Variants in CSMD3 observed in about 807,000 individuals in gnomAD.
CSMD3 encodes CUB and sushi domain-containing protein 3.
A neutral mutation model predicts 435.2 loss-of-function variants in CSMD3; 177 were observed. The ratio of observed to expected loss-of-function variants is 0.41; its 90% CI spans 0.36 to 0.46. CSMD3 has a LOEUF of 0.46. CSMD3 is among the 20% of genes least tolerant of loss of function. CSMD3 has a pLI of 0.34. For synonymous variants in CSMD3, 1,656 were observed against 1,520.5 expected (o/e 1.09, Z -2.07); for missense variants, 4,265 against 4,504.6 (o/e 0.95, Z 1.52).
intron 32 of CSMD3, among the ~76,000 whole-genome samples, chr8:112,461,117 T>C (rs531295001): frequency 6.6e-6 from 1 of 152,260 alleles, no homozygotes; most frequent in Non-Finnish European, 1.5e-5. Flanking sequence ...ACCAAACATG[T>C]GTGTTTTAAT....
At chr8:112,832,951 A>G (rs1301129426) in intron 11 of CSMD3, among the ~76,000 whole-genome samples, 2 of 152,182 alleles carry the variant, frequency 1.3e-5, no homozygotes, top group East Asian at 3.9e-4. Context: ...CAAACCCTAA[A>G]CATATATCAC....
chr8:112,709,159 C>A (rs1222331386), intron 13 of CSMD3, among the ~76,000 whole-genome samples: 1 of 152,036 alleles, frequency 6.6e-6, no homozygotes, highest in African/African-American at 2.4e-5. Context: ...AAATAAATAA[C>A]TGCAAAATAC....
chr8:113,376,485 A>G (rs975060410), intron 1 of CSMD3, among the ~76,000 whole-genome samples: 2 of 152,146 alleles, frequency 1.3e-5, no homozygotes, highest in African/African-American at 2.4e-5. Flanking sequence ...GAGGGGTTGG[A>G]ATGTACAAGA....
intron 22 of CSMD3, among the ~76,000 whole-genome samples, chr8:112,625,548 A>T (rs144363822): frequency 2.9e-3 from 445 of 152,246 alleles, no homozygotes; most frequent in Non-Finnish European, 4.6e-3. Flanking sequence ...ATTCAAAAAG[A>T]TATAGTAAAA....
intron 2 of CSMD3, among the ~76,000 whole-genome samples, chr8:113,281,056 A>G (rs1333890117): frequency 6.6e-6 from 1 of 151,772 alleles, no homozygotes. Context: ...TTATTTATTG[A>G]GGCTCGTTTT....
intron 1 of CSMD3, among the ~76,000 whole-genome samples, chr8:113,394,543 T>C (rs892927773): frequency 6.6e-6 from 1 of 152,120 alleles, no homozygotes; most frequent in Non-Finnish European, 1.5e-5. Flanking sequence ...AAAATTCTAG[T>C]GCTATATTTC....
At chr8:112,343,001 T>TATTTATATACATATATTTA (rs1554647587) in intron 41 of CSMD3, among the ~76,000 whole-genome samples, 12 of 109,674 alleles carry the variant, frequency 1.1e-4, no homozygotes, top group Non-Finnish European at 1.3e-4. Context: ...ATATATATAT[T>TATTTATATACATATATTTA]TATATATATA....
intron 10 of CSMD3, among the ~76,000 whole-genome samples, chr8:112,899,529 T>G (rs1401772638): frequency 6.9e-6 from 1 of 143,976 alleles, no homozygotes; most frequent in Non-Finnish European, 1.5e-5. Context: ...TATATATATA[T>G]AGAAATATAC....
rs571230917 is a variant in CSMD3, at chr8:113,279,929, GA to G, written c.402-1226del. On this transcript the variant is annotated intron_variant, in intron 2 of 70. Coordinates refer to ENST00000297405, the MANE Select transcript of CSMD3 (RefSeq NM_198123.2). ...TCTGCATCTGTTGAGATGATCACGT[GA>G]ATTTTGTTTTTAATTCTATTTATGT... Among the ~76,000 whole-genome samples the G allele has an allele frequency of 3.5e-3, 537 of 151,848 alleles. 3 individuals are homozygous for G. Among genetic ancestry groups the G allele is most frequent in the African/African-American group, 0.012 (500 of 41,490 alleles).
intron 1 of CSMD3, among the ~76,000 whole-genome samples, chr8:113,386,200 C>T (rs964163473): frequency 1.3e-5 from 2 of 151,878 alleles, no homozygotes; most frequent in Non-Finnish European, 2.9e-5. Context: ...CCCTCCCTTG[C>T]CTTTTTTATT....
intron 9 of CSMD3, among the ~76,000 whole-genome samples, chr8:112,928,752 G>A (rs1280138974): frequency 6.7e-6 from 1 of 150,148 alleles, no homozygotes; most frequent in Non-Finnish European, 1.5e-5. Flanking sequence ...AAACATACAT[G>A]TGCATGTGTC....
chr8:112,943,501 G>A (rs12681949), intron 9 of CSMD3, among the ~76,000 whole-genome samples: 64,943 of 151,212 alleles, frequency 0.43, 14,079 homozygotes, highest in East Asian at 0.51. Context: ...ATAGTTGGAG[G>A]CAGTAATTCA....
intron 10 of CSMD3, among the ~76,000 whole-genome samples, chr8:112,862,422 T>G (rs1314885737): frequency 6.6e-6 from 1 of 151,986 alleles, no homozygotes; most frequent in Non-Finnish European, 1.5e-5. Context: ...GAACAGAAGC[T>G]GATAGAACTA....
chr8:112,693,583 C>G (rs1261428341), intron 13 of CSMD3, among the ~76,000 whole-genome samples: 1 of 151,934 alleles, frequency 6.6e-6, no homozygotes, highest in East Asian at 1.9e-4. Context: ...CTTTTAAGAG[C>G]TAGGATTCCT....
chr8:112,961,699 A>C (rs2130865926), intron 7 of CSMD3, among the ~76,000 whole-genome samples: 1 of 152,030 alleles, frequency 6.6e-6, no homozygotes, highest in Non-Finnish European at 1.5e-5. Context: ...ATTGATTTTT[A>C]TTTAGGAGAC....
intron 13 of CSMD3, among the ~76,000 whole-genome samples, chr8:112,742,219 C>T (rs2077329006): frequency 6.6e-6 from 1 of 151,860 alleles, no homozygotes; most frequent in South Asian, 2.1e-4. Context: ...TTATAAAACA[C>T]CATGTTAGTA....
At chr8:112,270,784 A>G (rs1049455692) in intron 59 of CSMD3, among the ~76,000 whole-genome samples, 1 of 152,160 alleles carries the variant, frequency 6.6e-6, no homozygotes, top group African/African-American at 2.4e-5. Context: ...ATTTGTCATT[A>G]CTCAGGAGGA....
intron 32 of CSMD3, among the ~76,000 whole-genome samples, chr8:112,426,639 C>T (rs909971965): frequency 2.6e-5 from 4 of 152,174 alleles, no homozygotes; most frequent in African/African-American, 7.2e-5. Flanking sequence ...ACTATCATTA[C>T]CTCAGAATTT....
At chr8:113,420,959 T>C (rs1268035717) in intron 1 of CSMD3, among the ~76,000 whole-genome samples, 4 of 151,590 alleles carry the variant, frequency 2.6e-5, no homozygotes, top group South Asian at 2.1e-4. Context: ...ATGTAAATTA[T>C]AATACGATGA....
Sources: gnomAD v4.1 joint callset for allele counts (sites outside exome capture counted in the v4.1 genomes callset) on GRCh38, gnomAD v4.1.1 for gene constraint, MANE v1.5 for transcripts, NCBI Gene and HGNC (gene_info 2026-07-23, HGNC 2026-07-21) for gene names.